Variants in ENO1 observed in about 807,000 individuals in gnomAD.
The protein encoded by ENO1 is enolase 1.
Under a neutral mutation model 46.3 loss-of-function variants are expected in ENO1, and 33 were observed. That is an observed-to-expected ratio of 0.71 (90% CI 0.54 to 0.95). The LOEUF (loss-of-function observed/expected upper bound fraction) is 0.95, where lower values mean the gene tolerates loss of function less well. Among genes scored for constraint, ENO1 ranks in the 40% least tolerant of loss-of-function variants. ENO1 has a pLI of 0.00. For missense variants in ENO1, 488 were observed against 553.3 expected (o/e 0.88, Z 1.18); for synonymous variants, 220 against 216.0 (o/e 1.02, Z -0.16).
At chr1:8,873,883 C>G (rs1175018260) in intron 2 of ENO1, 2 of 152,220 alleles carry the variant, frequency 1.3e-5, no homozygotes, top group Non-Finnish European at 2.9e-5. Flanking sequence ...GCGCCATGTG[C>G]TGGAGGTAAC....
chr1:8,870,888 C>G (rs2124090396), intron 3 of ENO1: 2 of 1,255,706 alleles, frequency 1.6e-6, no homozygotes, highest in Middle Eastern at 3.1e-4. Flanking sequence ...AGACGCCTGC[C>G]CAGCAGAGGA....
intron 3 of ENO1, 29 bp from the exon 4 acceptor site, chr1:8,870,539 G>C: frequency 1.2e-6 from 2 of 1,613,966 alleles, no homozygotes; most frequent in Non-Finnish European, 1.7e-6. Context: ...TCAAATTACT[G>C]ACATTAACTT....
rs912387609 is a variant in ENO1, at chr1:8,865,891, G to C, written c.667+388C>G. 1.3e-4 allele frequency: 42 copies of C among 329,546 alleles called. 1 individual carries two copies. The highest frequency in any genetic ancestry group is 1.2e-3 in the South Asian group (41 of 35,362). 20.4% of individuals were successfully genotyped at this position (329,546 alleles called of 1,614,324 possible). A position where few individuals can be genotyped will look rare whatever the true frequency, so the allele number is the denominator to read the frequency against. On this transcript the variant is annotated intron_variant, in intron 7 of 11. Coordinates refer to ENST00000234590, the MANE Select transcript of ENO1 (RefSeq NM_001428.5). Reference sequence around the variant, plus strand: ...CGGGATGGCAGGATCCTCCCGCCAGGCTGTGCCGTTGAGAGCTCAGGCTCA... The same window carrying C: ...CGGGATGGCAGGATCCTCCCGCCAGCCTGTGCCGTTGAGAGCTCAGGCTCA...
intron 3 of ENO1, chr1:8,871,678 C>T: frequency 7.4e-7 from 1 of 1,360,360 alleles, no homozygotes; most frequent in Non-Finnish European, 9.5e-7. Flanking sequence ...GAACTCTCGA[C>T]CCAGAGCATG....
intron 1 of ENO1, among the ~76,000 whole-genome samples, chr1:8,875,516 G>A (rs1642716927): frequency 6.6e-6 from 1 of 152,204 alleles, no homozygotes; most frequent in Non-Finnish European, 1.5e-5. Flanking sequence ...ACCACCTAGG[G>A]CCAAAAAGAG....
intron 3 of ENO1, chr1:8,870,868 A>T (rs1474367452): frequency 7.7e-7 from 1 of 1,301,684 alleles, no homozygotes; most frequent in Non-Finnish European, 9.8e-7. Context: ...AATATACTTA[A>T]TGGGTCTGGA....
chr1:8,864,277 G>A (rs943150001), intron 8 of ENO1, among the ~76,000 whole-genome samples, 185 bp from the exon 9 acceptor site: 7 of 152,034 alleles, frequency 4.6e-5, no homozygotes, highest in African/African-American at 2.4e-5. Flanking sequence ...TGCAGCAGGG[G>A]ACAAAAGTCA....
Position 8,865,567 on chromosome 1 carries a change from A to G in ENO1, c.668-85T>C, listed in dbSNP as rs1381700923. On this transcript the variant is annotated intron_variant, in intron 7 of 11. Transcript: ENST00000234590. ...TCAACAGCTGCTACACAGGGACTGTAACACAAAGATCAACAGGTGTTCAGG... is the reference window on the plus strand; with the variant it reads ...TCAACAGCTGCTACACAGGGACTGTGACACAAAGATCAACAGGTGTTCAGG... 23 of 1,342,140 alleles carry G rather than the reference A, an allele frequency of 1.7e-5. 1 individual carries two copies. The South Asian group carries it at 2.9e-4, about 17-fold the overall frequency. The allele number at this position is 1,342,140 out of a possible 1,614,324, so 83.1% of individuals were successfully genotyped here. A position where few individuals can be genotyped will look rare whatever the true frequency, so the allele number is the denominator to read the frequency against.
chr1:8,876,564 T>C (rs1275059584), intron 1 of ENO1, among the ~76,000 whole-genome samples: 1 of 152,186 alleles, frequency 6.6e-6, no homozygotes, highest in Non-Finnish European at 1.5e-5. Context: ...TTTATTAGGG[T>C]GCCTCAGTAC....
chr1:8,864,695 A>C (rs1642474465), intron 8 of ENO1, among the ~76,000 whole-genome samples: 1 of 152,204 alleles, frequency 6.6e-6, no homozygotes, highest in African/African-American at 2.4e-5. Context: ...GAATGGAGCC[A>C]CAGACTCAGA....
At chr1:8,871,523 TCTCTGGAGGGCCCACAGAACC>T (rs1642632400) in intron 3 of ENO1, 1 of 1,042,434 alleles carries the variant, frequency 9.6e-7, no homozygotes, top group African/African-American at 1.7e-5. Context: ...AGGCTGATGA[TCTCTGGAGGGCCCACAGAACC>T]CTCCTGGGAG....
intron 1 of ENO1, among the ~76,000 whole-genome samples, chr1:8,875,557 T>C (rs1343225187): frequency 2.0e-5 from 3 of 152,216 alleles, no homozygotes; most frequent in Non-Finnish European, 2.9e-5. Context: ...ACCTTGCTTG[T>C]AGCAGAATTA....
intron 4 of ENO1, 69 bp from the exon 5 acceptor site, chr1:8,868,126 T>C: frequency 1.7e-6 from 2 of 1,164,748 alleles, no homozygotes; most frequent in Non-Finnish European, 2.5e-6. Context: ...TCCCCTACCA[T>C]GGAATCTGAC....
Position 8,871,876 on chromosome 1 carries a change from G to T in ENO1, c.181+15C>A, listed in dbSNP as rs778835902. 51 of 1,612,312 alleles carry T rather than the reference G, an allele frequency of 3.2e-5. No homozygotes were observed. Among genetic ancestry groups the T allele is most frequent in the Non-Finnish European group, 4.3e-5 (51 of 1,179,186 alleles). On this transcript the variant is annotated intron_variant, in intron 3 of 11. Transcript: ENST00000234590. Reference sequence around the variant, plus strand: ...GGAAGCAGGGAGGCCATGGGCTGTGGGTTCTAAGGCTTACCCTTCCCCATA... The same window carrying T: ...GGAAGCAGGGAGGCCATGGGCTGTGTGTTCTAAGGCTTACCCTTCCCCATA...
At chr1:8,878,492 G>A in intron 1 of ENO1, 88 bp downstream of exon 1, 1 of 389,880 alleles carries the variant, frequency 2.6e-6, no homozygotes, top group South Asian at 1.8e-5. Flanking sequence ...CTGCGGGCGC[G>A]CCGCCTCCCT....
intron 2 of ENO1, 98 bp downstream of exon 2, chr1:8,874,726 A>C (rs1642701828): frequency 9.2e-7 from 1 of 1,087,586 alleles, no homozygotes; most frequent in Non-Finnish European, 1.3e-6. Flanking sequence ...GAAAAGCTTT[A>C]ACAGATTTTT....
intron 2 of ENO1, 126 bp downstream of exon 2, chr1:8,874,698 A>G (rs1050020934): frequency 2.7e-6 from 2 of 752,414 alleles, no homozygotes; most frequent in Non-Finnish European, 4.3e-6. Context: ...ACAACCTACT[A>G]GCATGTGCAG....
Position 8,878,675 on chromosome 1 carries a change from C to T in ENO1, c.-105G>A, listed in dbSNP as rs1372449544. On this transcript the variant is annotated 5_prime_UTR_variant, in exon 1 of 12. Transcript: ENST00000234590. ...CGGCGAGATCTCCGTGCTCCGGGTA[C>T]CCACAGATACTGTCCGCGCCGCCCG... 2.2e-6 allele frequency: 1 copy of T among 456,096 alleles called. No homozygotes were observed. Among genetic ancestry groups the T allele is most frequent in the South Asian group, 1.5e-5 (1 of 64,566 alleles). The allele number at this position is 456,096 out of a possible 1,614,324, so 28.3% of individuals were successfully genotyped here. A position where few individuals can be genotyped will look rare whatever the true frequency, so the allele number is the denominator to read the frequency against.
At chr1:8,876,992 ATTTT>A (rs781048965) in intron 1 of ENO1, among the ~76,000 whole-genome samples, 3 of 136,952 alleles carry the variant, frequency 2.2e-5, no homozygotes, top group Middle Eastern at 3.8e-3. Context: ...CGCCCAGGTG[ATTTT>A]TTTTTTTTTT....
Sources: gnomAD v4.1 joint callset for allele counts (sites outside exome capture counted in the v4.1 genomes callset) on GRCh38, gnomAD v4.1.1 for gene constraint, MANE v1.5 for transcripts, NCBI Gene and HGNC (gene_info 2026-07-23, HGNC 2026-07-21) for gene names.